Variants in TMEM25 observed in about 807,000 individuals in gnomAD.
The protein encoded by TMEM25 is 0610039J01Rik.
Under a neutral mutation model 37.0 loss-of-function variants are expected in TMEM25, and 36 were observed. The ratio of observed to expected loss-of-function variants is 0.97; its 90% CI spans 0.75 to 1.28. The LOEUF is 1.28. Ranked by LOEUF, TMEM25 falls within the 50% of genes most tolerant of loss-of-function variation. The pLI is 0.00. For missense variants in TMEM25, 444 were observed against 477.9 expected (o/e 0.93, Z 0.66); for synonymous variants, 197 against 203.7 (o/e 0.97, Z 0.28).
downstream of TMEM25, among the ~76,000 whole-genome samples, chr11:118,539,550 T>C (rs11216882): frequency 5.3e-5 from 8 of 152,146 alleles, no homozygotes; most frequent in South Asian, 8.3e-4. Flanking sequence ...TCAGGTCTTA[T>C]GTTTAAGTCT....
intron 3 of TMEM25, 28 bp from the exon 4 acceptor site, chr11:118,532,889 G>C (rs781965902): frequency 1.9e-6 from 3 of 1,594,966 alleles, no homozygotes; most frequent in African/African-American, 1.3e-5. Context: ...GCTGTGGTGA[G>C]AGCATATTGG....
Position 118,535,632 on chromosome 11 carries a change from G to T in TMEM25, c.*1052G>T. 1 of 1,527,320 alleles carries T rather than the reference G, an allele frequency of 6.5e-7. No individual in the cohort carries two copies. The highest frequency in any genetic ancestry group is 1.2e-5 in the South Asian group (1 of 83,322). The allele number at this position is 1,527,320 out of a possible 1,614,324, so 94.6% of individuals were successfully genotyped here. The stretch of plus-strand genomic sequence containing the variant: ...ATTCAACAGTGTGGAAGCTTTAGGG[G>T]AACATGGAGAAAGAAGGAGACCACA... On this transcript the variant is annotated 3_prime_UTR_variant, in exon 9 of 9. Coordinates refer to ENST00000313236, the MANE Select transcript of TMEM25 (RefSeq NM_032780.4).
downstream of TMEM25, among the ~76,000 whole-genome samples, chr11:118,536,036 C>A (rs2135420507): frequency 6.6e-6 from 1 of 152,080 alleles, no homozygotes; most frequent in South Asian, 2.1e-4. Flanking sequence ...TACCACCACG[C>A]CCATCTAATT....
chr11:118,545,691 C>G (rs1228899533), intron 8 of TMEM25: 8 of 1,346,014 alleles, frequency 5.9e-6, no homozygotes, highest in Non-Finnish European at 8.5e-6. Context: ...AAAGTGAAGG[C>G]TGAAACTCAA....
rs782264638 is a variant in TMEM25, at chr11:118,534,216, C to T, written c.938-50C>T. The T allele has an allele frequency of 6.2e-7, 1 of 1,613,228 alleles. No homozygotes were observed. Among genetic ancestry groups the T allele is most frequent in the Non-Finnish European group, 8.5e-7 (1 of 1,179,228 alleles). On this transcript the variant is annotated intron_variant, in intron 7 of 8. Transcript: ENST00000313236. The surrounding 1 kb of genome is among the most constrained non-coding windows in gnomAD (Gnocchi z 4.6). ...AACTTGGTGCTTGGGAGGGGCGAGG[C>T]CTCATCAGGCACACTCCTCGTCCTG... is the stretch of plus-strand genomic sequence containing the variant.
At chr11:118,538,977 T>C (rs1167839108), downstream of TMEM25, among the ~76,000 whole-genome samples, 1 of 152,182 alleles carries the variant, frequency 6.6e-6, no homozygotes, top group Non-Finnish European at 1.5e-5. Flanking sequence ...TTGAGTTGTT[T>C]GAATTCCTTG....
chr11:118,535,496 T>C lies in TMEM25; in HGVS notation c.*916T>C. On this transcript the variant is annotated 3_prime_UTR_variant, in exon 9 of 9. Coordinates refer to ENST00000313236, the MANE Select transcript of TMEM25 (RefSeq NM_032780.4). ...TGTCCTGAGCTCTCGGGGTTGATGG[T>C]TTTTCTCTCAGCATGTCTCCTCCAC... 1 of 1,526,838 alleles carries C rather than the reference T, an allele frequency of 6.5e-7. No individual in the cohort carries two copies. Among genetic ancestry groups the C allele is most frequent in the Non-Finnish European group, 8.8e-7 (1 of 1,140,520 alleles). The allele number at this position is 1,526,838 out of a possible 1,614,324, so 94.6% of individuals were successfully genotyped here. A position where few individuals can be genotyped will look rare whatever the true frequency, so the allele number is the denominator to read the frequency against.
intron 8 of TMEM25, among the ~76,000 whole-genome samples, chr11:118,543,086 A>G (rs1182648416): frequency 3.3e-5 from 5 of 150,618 alleles, no homozygotes; most frequent in Admixed American, 2.7e-4. Flanking sequence ...CTGAAAATAC[A>G]AAACAAATTA....
chr11:118,535,771 T>C lies in TMEM25; in HGVS notation c.*1191T>C. 1.5e-6 allele frequency: 2 copies of C among 1,363,892 alleles called. No homozygotes were observed. The highest frequency in any genetic ancestry group is 2.0e-5 in the South Asian group (1 of 49,224). The allele number at this position is 1,363,892 out of a possible 1,614,324, so 84.5% of individuals were successfully genotyped here. On this transcript the variant is annotated 3_prime_UTR_variant, in exon 9 of 9. Transcript: ENST00000313236. The stretch of plus-strand genomic sequence containing the variant: ...AGATCTTCTTTTGTAATGTTTTTCA[T>C]GTTACTGCCTAGGGCGGTGCTGAGC...
downstream of TMEM25, chr11:118,546,969 T>C (rs1555067347): frequency 1.3e-5 from 2 of 152,266 alleles, no homozygotes; most frequent in African/African-American, 4.8e-5. Context: ...CATATAGTTC[T>C]GCAACTTGCT....
At chr11:118,543,856 G>T (rs111276646) in intron 8 of TMEM25, among the ~76,000 whole-genome samples, 2,440 of 151,276 alleles carry the variant, frequency 0.016, 29 homozygotes, top group Admixed American at 0.048. Context: ...GCCCAAGCTG[G>T]AGTGCAGTGC....
At chr11:118,545,630 C>A in intron 8 of TMEM25, 2 of 1,060,914 alleles carry the variant, frequency 1.9e-6, no homozygotes, top group South Asian at 2.8e-5. Flanking sequence ...AGCAGGTAGT[C>A]ACATAAGCCA....
At position 118,535,525 on chromosome 11, in the gene TMEM25, G is replaced by A. The variant is rs1181887842; in HGVS notation, c.*945G>A. On this transcript the variant is annotated 3_prime_UTR_variant, in exon 9 of 9. Coordinates refer to ENST00000313236, the MANE Select transcript of TMEM25 (RefSeq NM_032780.4). ...TCTCTCAGCATGTCTCCTCCACCAC[G>A]GGACCCCAGCCCTGACCAACCCATG... is the stretch of plus-strand genomic sequence containing the variant. 9.1e-6 allele frequency: 14 copies of A among 1,533,812 alleles called. No individual in the cohort carries two copies. The highest frequency in any genetic ancestry group is 1.4e-5 in the African/African-American group (1 of 72,942).
chr11:118,531,723 T>G, intron 1 of TMEM25, 52 bp from the exon 2 acceptor site: 4 of 1,334,744 alleles, frequency 3.0e-6, no homozygotes, highest in Non-Finnish European at 4.1e-6. Flanking sequence ...CTGGAGCAAT[T>G]GCTAGGCCTG....
In TMEM25 at chr11:118,531,758, C is replaced by A; in HGVS notation, c.-27-17C>A. ...GCCTGCTGTCACCTGGCTGACAGGC[C>A]CGCCCCCTTCTCTCAGCAGCCTAGG... On this transcript the variant is annotated splice_polypyrimidine_tract_variant and intron_variant, in intron 1 of 8. Coordinates refer to ENST00000313236, the MANE Select transcript of TMEM25 (RefSeq NM_032780.4). 1 of 1,523,046 alleles carries A rather than the reference C, an allele frequency of 6.6e-7. No individual in the cohort carries two copies. Among genetic ancestry groups the A allele is most frequent in the Non-Finnish European group, 8.8e-7 (1 of 1,130,924 alleles). 94.3% of individuals were successfully genotyped at this position (1,523,046 alleles called of 1,614,324 possible).
chr11:118,545,179 T>C (rs1354385414), intron 8 of TMEM25, among the ~76,000 whole-genome samples: 1 of 152,112 alleles, frequency 6.6e-6, no homozygotes, highest in Non-Finnish European at 1.5e-5. Context: ...CCTCACCTGA[T>C]TTCATCTAAG....
chr11:118,543,184 T>C (rs2135448077), intron 8 of TMEM25, among the ~76,000 whole-genome samples: 1 of 152,186 alleles, frequency 6.6e-6, no homozygotes, highest in Admixed American at 6.6e-5. Flanking sequence ...TGGAGGTTGC[T>C]GTAAGCCTCA....
intron 8 of TMEM25, among the ~76,000 whole-genome samples, chr11:118,541,780 CAG>C (rs1951582448): frequency 6.6e-6 from 1 of 151,946 alleles, no homozygotes; most frequent in South Asian, 2.1e-4. Context: ...TGTTTTAAGA[CAG>C]GGTCTCATTC....
At chr11:118,537,809 G>A (rs2135426589), downstream of TMEM25, among the ~76,000 whole-genome samples, 1 of 152,278 alleles carries the variant, frequency 6.6e-6, no homozygotes, top group Admixed American at 6.5e-5. Context: ...CTAGCACTTT[G>A]GGAGGCCGAG....
Sources: allele counts gnomAD v4.1 joint callset (sites outside exome capture counted in the v4.1 genomes callset), GRCh38; gene constraint gnomAD v4.1.1; non-coding constraint Gnocchi (gnomAD v3.1); transcripts MANE v1.5; gene names NCBI Gene and HGNC (gene_info 2026-07-23, HGNC 2026-07-21).